CRYBG3: variants seen among roughly 807,000 people sequenced by gnomAD.
CRYBG3 encodes the protein crystallin beta-gamma domain containing 3, also known as very large A-kinase anchor protein.
A neutral mutation model predicts 244.2 loss-of-function variants in CRYBG3; 127 were observed. That is an observed-to-expected ratio of 0.52 (90% CI 0.45 to 0.60). The LOEUF (loss-of-function observed/expected upper bound fraction) is 0.60, where lower values mean the gene tolerates loss of function less well. CRYBG3 is among the 20% of genes least tolerant of loss of function. CRYBG3 has a pLI of 0.00. For synonymous variants in CRYBG3, 1,132 were observed against 1,195.8 expected (o/e 0.95, Z 1.10); for missense variants, 3,325 against 3,442.5 (o/e 0.97, Z 0.85).
chr3:97,907,040 G>T (rs1377886782), intron 15 of CRYBG3, among the ~76,000 whole-genome samples: 2 of 151,892 alleles, frequency 1.3e-5, no homozygotes, highest in Admixed American at 6.6e-5. Context: ...TTATATGCTG[G>T]ATTACATTTA....
chr3:97,877,286 C>T lies in CRYBG3; in HGVS notation c.6092C>T (p.Ala2031Val). The change falls in exon 4 of 22, where the codon GCT (alanine) becomes GTT (valine). Residue 2031 changes from alanine (A) to valine (V), a missense_variant. Coordinates refer to ENST00000389622, the MANE Select transcript of CRYBG3 (RefSeq NM_153605.4). ...TQSVLFHDTS[A>V]DSMPVLACER... is the part of the protein sequence containing the mutation. ...TCTGTCTTGTTTCATGATACGTCCG[C>T]TGACAGCATGCCTGTTCTGGCATGT... 1 of 1,614,122 alleles carries T rather than the reference C, an allele frequency of 6.2e-7. No homozygotes were observed. Among genetic ancestry groups the T allele is most frequent in the Non-Finnish European group, 8.5e-7 (1 of 1,180,008 alleles).
intron 11 of CRYBG3, among the ~76,000 whole-genome samples, chr3:97,895,411 C>T (rs1015146281): frequency 1.3e-5 from 2 of 152,128 alleles, no homozygotes; most frequent in Admixed American, 6.5e-5. Context: ...ATGTAGGGCC[C>T]TGAAGCTAAT....
chr3:97,941,883 GA>G (rs1307138336), intron 20 of CRYBG3: 1 of 155,302 alleles, frequency 6.4e-6, no homozygotes, highest in East Asian at 1.9e-4. Context: ...CTTCAAAAAT[GA>G]AAAACTTTTA....
intron 15 of CRYBG3, among the ~76,000 whole-genome samples, chr3:97,907,169 TGC>T (rs2039786303): frequency 6.6e-6 from 1 of 152,214 alleles, no homozygotes; most frequent in Non-Finnish European, 1.5e-5. Context: ...TGAGGATTTT[TGC>T]ATCAATGTTC....
chr3:97,917,331 C>A (rs1170208271), intron 17 of CRYBG3, among the ~76,000 whole-genome samples: 1 of 152,006 alleles, frequency 6.6e-6, no homozygotes, highest in Non-Finnish European at 1.5e-5. Context: ...ATCCAGGCAG[C>A]ATAAGTGAAG....
intron 1 of CRYBG3, among the ~76,000 whole-genome samples, chr3:97,824,578 CTT>C (rs1172190099): frequency 2.0e-5 from 3 of 152,058 alleles, no homozygotes; most frequent in South Asian, 2.1e-4. Context: ...ATAGGAAAAT[CTT>C]TGTTTTTATG....
At chr3:97,851,658 G>A (rs372747940) in intron 2 of CRYBG3, among the ~76,000 whole-genome samples, 1 of 152,228 alleles carries the variant, frequency 6.6e-6, no homozygotes, top group Non-Finnish European at 1.5e-5. Context: ...AGTAATGCAT[G>A]TGAAGACAGT....
At position 97,873,472 on chromosome 3, in the gene CRYBG3, C is replaced by T. The variant is rs1275349583; in HGVS notation, c.2278C>T (p.Leu760=). The stretch of plus-strand genomic sequence containing the variant: ...TGGCCCTCACTTAACTGGGTTGGAG[C>T]TATTGAGCTTTGACTCTGGAAACCT... ...ASGPHLTGLE[L]LSFDSGNLSK... The change falls in exon 4 of 22, where the codon CTA becomes TTA. Residue 760 remains leucine, a synonymous_variant. Coordinates refer to ENST00000389622, the MANE Select transcript of CRYBG3 (RefSeq NM_153605.4). 13 of 1,535,840 alleles carry T rather than the reference C, an allele frequency of 8.5e-6. No individual in the cohort carries two copies. Among genetic ancestry groups the T allele is most frequent in the Non-Finnish European group, 1.1e-5 (13 of 1,146,778 alleles).
At chr3:97,868,192 G>C (rs1375797335) in intron 3 of CRYBG3, among the ~76,000 whole-genome samples, 3 of 151,474 alleles carry the variant, frequency 2.0e-5, no homozygotes, top group Non-Finnish European at 4.4e-5. Context: ...GCTGAGGCAG[G>C]AGAATGGCGT....
intron 15 of CRYBG3, among the ~76,000 whole-genome samples, chr3:97,904,201 G>A (rs945788918): frequency 2.0e-5 from 3 of 152,112 alleles, no homozygotes; most frequent in African/African-American, 7.2e-5. Context: ...ACAATCCTCA[G>A]AACATTATTA....
At chr3:97,903,382 T>G (rs2039727595) in intron 15 of CRYBG3, among the ~76,000 whole-genome samples, 1 of 152,170 alleles carries the variant, frequency 6.6e-6, no homozygotes, top group Non-Finnish European at 1.5e-5. Context: ...GGAAGAATTA[T>G]TTCAGTAAAG....
At chr3:97,908,691 C>T (rs548678330) in intron 15 of CRYBG3, among the ~76,000 whole-genome samples, 345 of 152,270 alleles carry the variant, frequency 2.3e-3, no homozygotes, top group African/African-American at 7.9e-3. Context: ...TGGGTCTTGA[C>T]TCTTTATCCA....
At position 97,875,254 on chromosome 3, in the gene CRYBG3, G is replaced by A; in HGVS notation, c.4060G>A (p.Val1354Ile). 3 of 1,500,664 alleles carry A rather than the reference G, an allele frequency of 2.0e-6. No individual in the cohort carries two copies. The highest frequency in any genetic ancestry group is 1.3e-5 in the South Asian group (1 of 77,216). The allele number at this position is 1,500,664 out of a possible 1,614,324, so 93.0% of individuals were successfully genotyped here. The change falls in exon 4 of 22, where the codon GTA becomes ATA. Residue 1354 changes from valine to isoleucine, a missense_variant. By Grantham distance (29) the Val-to-Ile change is conservative. This residue lies in a region of CRYBG3 where 635 missense variants were observed against 771.7 expected (regional missense o/e 0.82). Transcript: ENST00000389622. ...LNSDSVKPHD[V>I]VREFLVSEQP... ...CAGTGATAGTGTTAAGCCACATGAT[G>A]TAGTTAGAGAGTTCTTGGTTTCAGA...
At position 97,864,257 on chromosome 3, in the gene CRYBG3, C is replaced by T; in HGVS notation, c.257C>T (p.Pro86Leu). ...SEDKRNHAEK[P>L]VTLPVQEDPK... ...GACAAAAGGAACCATGCTGAGAAGC[C>T]AGTCACTCTTCCAGTGCAGGAAGAT... The change falls in exon 3 of 22, where the codon CCA (proline) becomes CTA (leucine). Residue 86 changes from proline to leucine, a missense_variant. Physicochemically the swap from Pro to Leu is moderately conservative, Grantham distance 98. Around this residue, in one of 4 missense-constraint regions of CRYBG3, gnomAD observed 1,526 missense variants for 1,443.2 expected, o/e 1.06. Coordinates refer to ENST00000389622, the MANE Select transcript of CRYBG3 (RefSeq NM_153605.4). The T allele has an allele frequency of 6.6e-7, 1 of 1,523,336 alleles. No homozygotes were observed. Among genetic ancestry groups the T allele is most frequent in the South Asian group, 1.2e-5 (1 of 81,236 alleles). 94.4% of individuals were successfully genotyped at this position (1,523,336 alleles called of 1,614,324 possible). A position where few individuals can be genotyped will look rare whatever the true frequency, so the allele number is the denominator to read the frequency against.
At chr3:97,860,600 G>A (rs1233126625) in intron 2 of CRYBG3, among the ~76,000 whole-genome samples, 3 of 152,128 alleles carry the variant, frequency 2.0e-5, no homozygotes, top group African/African-American at 7.2e-5. Flanking sequence ...CAAGGTGGGT[G>A]TGTGCCTGAT....
In CRYBG3 at chr3:97,872,376, C is replaced by T. The variant is rs752268782; in HGVS notation, c.1182C>T (p.Cys394=). The T allele has an allele frequency of 6.5e-6, 10 of 1,535,896 alleles. No homozygotes were observed. In the South Asian group the frequency reaches 1.1e-4, roughly 16 times the overall value. ...LTGSNHRKVP[C]SPDFQRVTTT... is the part of the protein sequence containing the mutation. ...GAAGTAACCATCGCAAAGTCCCTTG[C>T]AGCCCAGATTTTCAGAGAGTAACTA... is the stretch of plus-strand genomic sequence containing the variant. Residue 394 remains cysteine, a synonymous_variant, in exon 4 of 22, where the codon TGC becomes TGT. Transcript: ENST00000389622.
At chr3:97,869,105 C>T (rs1262099253) in intron 3 of CRYBG3, among the ~76,000 whole-genome samples, 4 of 151,690 alleles carry the variant, frequency 2.6e-5, no homozygotes, top group African/African-American at 9.7e-5. Context: ...TTTGATATGG[C>T]GTTTTACCAA....
chr3:97,825,949 T>A (rs1004758829), intron 1 of CRYBG3, among the ~76,000 whole-genome samples: 2 of 152,214 alleles, frequency 1.3e-5, no homozygotes, highest in Non-Finnish European at 2.9e-5. Context: ...GTCATGATGA[T>A]TGCATTTTTA....
chr3:97,892,992 G>A lies in CRYBG3; in HGVS notation c.7573G>A (p.Val2525Met). 6.3e-7 allele frequency: 1 copy of A among 1,592,926 alleles called. No individual in the cohort carries two copies. The highest frequency in any genetic ancestry group is 1.2e-5 in the South Asian group (1 of 85,772). The change falls in exon 11 of 22, where the codon GTG becomes ATG. Residue 2525 changes from valine to methionine, a missense_variant and splice_region_variant. Val to Met is a conservative substitution (Grantham distance 21). Transcript: ENST00000389622. ...RIGSIRVIGGVWVAYEKEHFK... is the reference protein window; with the variant it reads ...RIGSIRVIGGMWVAYEKEHFK... ...TGGATCAATTCGTGTCATTGGTGGA[G>A]TGTGAGTATCATATTTTTAACATTT...
Sources: gnomAD v4.1 joint callset for allele counts (sites outside exome capture counted in the v4.1 genomes callset) on GRCh38, gnomAD v4.1.1 for gene constraint, gnomAD v4.1.1 regional missense constraint, MANE v1.5 for transcripts, NCBI Gene and HGNC (gene_info 2026-07-23, HGNC 2026-07-21) for gene names.